The following MCC variants were observed in gnomAD, a reference collection of about 807,000 sequenced individuals.
The protein encoded by MCC is colorectal mutant cancer protein.
A neutral mutation model predicts 116.2 loss-of-function variants in MCC; 90 were observed. That is an observed-to-expected ratio of 0.77 (90% CI 0.65 to 0.92). The LOEUF is 0.92. Ranked by LOEUF, MCC falls within the 40% of genes least tolerant of loss-of-function variation. MCC has a pLI of 0.00. For synonymous variants in MCC, 578 were observed against 510.5 expected, an observed-to-expected ratio of 1.13 and a Z score of -1.78; for missense variants, 1,516 against 1,312.2, an observed-to-expected ratio of 1.16 and a Z score of -2.40.
At chr5:113,388,066 A>C (rs1769312875) in intron 1 of MCC, among the ~76,000 whole-genome samples, 1 of 152,194 alleles carries the variant, frequency 6.6e-6, no homozygotes. Flanking sequence ...ACTCAGCTCT[A>C]TCCAGGCTTG....
intron 15 of MCC, among the ~76,000 whole-genome samples, chr5:113,050,505 C>T (rs1203801005): frequency 6.6e-6 from 1 of 152,174 alleles, no homozygotes; most frequent in Non-Finnish European, 1.5e-5. Flanking sequence ...GTAGAGGACA[C>T]CCCTCGAAAG....
At chr5:113,476,884 A>G (rs980364463) in intron 1 of MCC, among the ~76,000 whole-genome samples, 19 of 152,220 alleles carry the variant, frequency 1.2e-4, no homozygotes, top group Admixed American at 1.2e-3. Context: ...TAAATGGGTT[A>G]ATTATGTAGT....
intron 7 of MCC, among the ~76,000 whole-genome samples, chr5:113,103,309 C>A (rs1756540216): frequency 6.6e-6 from 1 of 152,176 alleles, no homozygotes; most frequent in Non-Finnish European, 1.5e-5. Context: ...CTGCTCCAGA[C>A]CCTGTGGCTT....
At chr5:113,028,875 TGTCA>T in intron 18 of MCC, 55 bp downstream of exon 18, 4 of 1,582,062 alleles carry the variant, frequency 2.5e-6, no homozygotes, top group Admixed American at 1.7e-5. Flanking sequence ...ACATGCAGGG[TGTCA>T]GTCCAAGTAC....
intron 14 of MCC, among the ~76,000 whole-genome samples, chr5:113,055,547 C>T (rs985632155): frequency 2.6e-5 from 4 of 152,190 alleles, no homozygotes; most frequent in South Asian, 2.1e-4. Flanking sequence ...AGTCAGAGAA[C>T]CCCTTCTAGA....
chr5:113,247,338 C>T (rs984791229), intron 3 of MCC, among the ~76,000 whole-genome samples: 2 of 152,148 alleles, frequency 1.3e-5, no homozygotes, highest in African/African-American at 4.8e-5. Flanking sequence ...AGAACTATAG[C>T]ACCCCCAGCA....
intron 1 of MCC, among the ~76,000 whole-genome samples, chr5:113,413,096 C>G (rs1465642326): frequency 1.3e-5 from 2 of 152,140 alleles, no homozygotes; most frequent in Admixed American, 1.3e-4. Flanking sequence ...TACGTTGAAC[C>G]AGCCTTGCAT....
intron 1 of MCC, among the ~76,000 whole-genome samples, chr5:113,400,268 G>A (rs899161122): frequency 1.3e-5 from 2 of 151,028 alleles, no homozygotes; most frequent in South Asian, 2.1e-4. Flanking sequence ...AATTGCAGGC[G>A]CCCGCCACTA....
At chr5:113,141,793 T>C (rs1474871957) in intron 5 of MCC, among the ~76,000 whole-genome samples, 3 of 152,238 alleles carry the variant, frequency 2.0e-5, no homozygotes, top group African/African-American at 7.2e-5. Context: ...ACATTCAATT[T>C]AAACATCTTG....
At chr5:113,380,389 A>G (rs1769087970) in intron 2 of MCC, among the ~76,000 whole-genome samples, 1 of 152,204 alleles carries the variant, frequency 6.6e-6, no homozygotes, top group African/African-American at 2.4e-5. Flanking sequence ...GCTTATTGTC[A>G]CTTAATTTGT....
At chr5:113,315,654 G>T (rs1290649820) in intron 3 of MCC, among the ~76,000 whole-genome samples, 1 of 139,480 alleles carries the variant, frequency 7.2e-6, no homozygotes, top group Non-Finnish European at 1.5e-5. Context: ...GATTGCTTGA[G>T]CCCAGGAGTT....
chr5:113,046,042 G>A (rs1342174508), intron 16 of MCC, among the ~76,000 whole-genome samples: 2 of 151,766 alleles, frequency 1.3e-5, no homozygotes, highest in African/African-American at 2.4e-5. Context: ...TAGCCCAGAT[G>A]GGAGATTTTA....
At chr5:113,030,891 C>T (rs1219644599) in intron 17 of MCC, among the ~76,000 whole-genome samples, 1 of 152,218 alleles carries the variant, frequency 6.6e-6, no homozygotes, top group South Asian at 2.1e-4. Flanking sequence ...TTCTACTTCA[C>T]TCACTTTTGC....
At chr5:113,212,416 G>A (rs1763166738) in intron 3 of MCC, among the ~76,000 whole-genome samples, 1 of 152,012 alleles carries the variant, frequency 6.6e-6, no homozygotes, top group Admixed American at 6.6e-5. Context: ...GCCACAGAGA[G>A]GGCTTCATAC....
intron 1 of MCC, among the ~76,000 whole-genome samples, chr5:113,394,026 T>C (rs1436212798): frequency 2.0e-5 from 3 of 152,230 alleles, no homozygotes; most frequent in Non-Finnish European, 4.4e-5. Context: ...TTCAATTAAG[T>C]AGCAATCCAT....
At chr5:113,151,550 G>GT in intron 3 of MCC, 128 bp from the exon 4 acceptor site, 1 of 620,478 alleles carries the variant, frequency 1.6e-6, no homozygotes, top group Non-Finnish European at 2.9e-6. Context: ...GAGAATGAAG[G>GT]TAAGTGTTAT....
At chr5:113,341,990 C>T (rs11956234) in intron 2 of MCC, among the ~76,000 whole-genome samples, 6,234 of 150,752 alleles carry the variant, frequency 0.041, 436 homozygotes, top group African/African-American at 0.14. Flanking sequence ...CCTCACCCCC[C>T]CACTCACACT....
intron 3 of MCC, among the ~76,000 whole-genome samples, chr5:113,246,752 T>C (rs1764591814): frequency 6.6e-6 from 1 of 152,244 alleles, no homozygotes; most frequent in South Asian, 2.1e-4. Flanking sequence ...CCTGAAGTTA[T>C]GTGTTACTTC....
chr5:113,045,799 C>A (rs369958915), intron 16 of MCC, among the ~76,000 whole-genome samples: 48 of 131,284 alleles, frequency 3.7e-4, no homozygotes, highest in South Asian at 7.6e-4. Flanking sequence ...AACTCCATCT[C>A]AAAAAAAAAA....
Sources: allele counts gnomAD v4.1 joint callset (sites outside exome capture counted in the v4.1 genomes callset), GRCh38; gene constraint gnomAD v4.1.1; transcripts MANE v1.5; gene names NCBI Gene and HGNC (gene_info 2026-07-23, HGNC 2026-07-21).